Variants in SH2B1 observed in about 807,000 individuals in gnomAD.
SH2B1 encodes the protein SH2B adapter protein 1.
SH2B1 carries 15 observed loss-of-function variants against 62.6 expected under a neutral mutation model. The observed-to-expected ratio is 0.24, with a 90% CI of 0.16 to 0.37. The LOEUF (loss-of-function observed/expected upper bound fraction) is 0.37. SH2B1 is among the 10% of genes least tolerant of loss of function. The pLI is 1.00. For missense variants in SH2B1, 925 were observed against 1,015.6 expected, an observed-to-expected ratio of 0.91 and a Z score of 1.21; for synonymous variants, 443 against 438.0, an observed-to-expected ratio of 1.01 and a Z score of -0.14.
At chr16:28,847,295 G>A (rs1961997632) in intron 1 of SH2B1, among the ~76,000 whole-genome samples, 1 of 152,230 alleles carries the variant, frequency 6.6e-6, no homozygotes, top group South Asian at 2.1e-4. Flanking sequence ...GGTAGTCAAT[G>A]TCCCTTAACT....
chr16:28,867,286 C>T, intron 1 of SH2B1, 45 bp from the exon 2 acceptor site: 2 of 1,484,400 alleles, frequency 1.3e-6, no homozygotes, highest in African/African-American at 1.4e-5. Context: ...GAAGAGTGGT[C>T]TTTGGAAACC....
rs369377609 is a variant in SH2B1, at chr16:28,857,841, G to A, written c.-300-3777G>A. 1.6e-3 allele frequency among the ~76,000 whole-genome samples: 240 copies of A among 151,616 alleles called. 7 individuals are homozygous for A. In the South Asian group the frequency reaches 0.017, roughly 10 times the overall value. On this transcript the variant is annotated intron_variant, in intron 1 of 10. Coordinates refer to the SH2B1 transcript ENST00000322610. The stretch of plus-strand genomic sequence containing the variant: ...TGCAAGCTCCGCCTCCTGGGTTCAC[G>A]CCATTCTCCTGCCTCAGACTCCCGA...
At position 28,855,994 on chromosome 16, in the gene SH2B1, C is replaced by T. The variant is rs1360167313; in HGVS notation, c.-300-5624C>T. Among the ~76,000 whole-genome samples the T allele has an allele frequency of 4.7e-5, 7 of 149,474 alleles. No homozygotes were observed. The South Asian group carries it at 8.6e-4, about 18-fold the overall frequency. On this transcript the variant is annotated intron_variant, in intron 1 of 10. Transcript: ENST00000322610. ...CCTTTTTTACTCTTAAGAACAATGC[C>T]GGCCAGGCGTGGTGGCTCACACTTG... is the stretch of plus-strand genomic sequence containing the variant.
chr16:28,852,328 TTAC>T (rs1567458255), intron 1 of SH2B1, among the ~76,000 whole-genome samples: 17 of 73,022 alleles, frequency 2.3e-4, no homozygotes, highest in African/African-American at 7.0e-4. Flanking sequence ...ATATATATAT[TTAC>T]ATATATATTT....
At chr16:28,852,863 T>A (rs1962199559) in intron 1 of SH2B1, among the ~76,000 whole-genome samples, 1 of 91,448 alleles carries the variant, frequency 1.1e-5, no homozygotes, top group Non-Finnish European at 1.9e-5. Context: ...TTTATATATA[T>A]TTACATATAT....
chr16:28,847,743 C>T (rs1443823953), intron 1 of SH2B1, among the ~76,000 whole-genome samples: 1 of 151,226 alleles, frequency 6.6e-6, no homozygotes, highest in Non-Finnish European at 1.5e-5. Flanking sequence ...CGCCTGAGCT[C>T]AGGAGTTCAA....
chr16:28,869,408 C>G (rs753901400), intron 4 of SH2B1, 25 bp downstream of exon 4: 1 of 1,595,588 alleles, frequency 6.3e-7, no homozygotes, highest in Admixed American at 1.7e-5. Context: ...TTAGAGAGCT[C>G]GGAGCCTCGG....
rs541706502 is a variant in SH2B1 at position 28,873,092 on chromosome 16, T to A, written c.1898-355T>A. On this transcript the variant is annotated intron_variant, in intron 7 of 7. Coordinates refer to ENST00000684370, the MANE Select transcript of SH2B1 (RefSeq NM_001387430.1). This position sits in a 1 kb window ranked among gnomAD's most constrained non-coding sequence, Gnocchi z 4.2. ...CTGATCCCCTTCCCTCCTCCCTCAATGTCTCATGTCCCTGTCTGATCTCTC... is the reference window on the plus strand; with the variant it reads ...CTGATCCCCTTCCCTCCTCCCTCAAAGTCTCATGTCCCTGTCTGATCTCTC... 9 of 935,760 alleles carry A rather than the reference T, an allele frequency of 9.6e-6. No homozygotes were observed. In the Admixed American group the frequency reaches 2.2e-4, roughly 23 times the overall value. The allele number at this position is 935,760 out of a possible 1,614,324, so 58.0% of individuals were successfully genotyped here.
Position 28,864,760 on chromosome 16 carries a change from C to T in SH2B1, c.-1335C>T. On this transcript the variant is annotated 5_prime_UTR_variant, in exon 1 of 8. Transcript: ENST00000684370. ...CTCTGCCACTTTCTAGTTGTAAGAC[C>T]TTGAGAGGGCTCCTCCTTTCTCTAA... The T allele has an allele frequency of 1.7e-6, 1 of 580,738 alleles. No individual in the cohort carries two copies. The highest frequency in any genetic ancestry group is 2.2e-6 in the Non-Finnish European group (1 of 460,556). The allele number at this position is 580,738 out of a possible 1,614,324, so 36.0% of individuals were successfully genotyped here.
Position 28,865,880 on chromosome 16 carries a change from G to T in SH2B1, c.-215G>T. The T allele has an allele frequency of 2.2e-6, 3 of 1,346,102 alleles. No homozygotes were observed. The highest frequency in any genetic ancestry group is 2.8e-6 in the Non-Finnish European group (3 of 1,053,576). 83.4% of individuals were successfully genotyped at this position (1,346,102 alleles called of 1,614,324 possible). ...AGGATCTGGGAGAGGGAAGGGAGGTGTTGGGCTCCCTTCCCCATTGCTCTC... is the reference window on the plus strand; with the variant it reads ...AGGATCTGGGAGAGGGAAGGGAGGTTTTGGGCTCCCTTCCCCATTGCTCTC... On this transcript the variant is annotated 5_prime_UTR_variant, in exon 1 of 8. Transcript: ENST00000684370.
At chr16:28,862,714 C>G (rs1471642898), upstream of SH2B1, 1 of 142,132 alleles carries the variant, frequency 7.0e-6, no homozygotes, top group Non-Finnish European at 1.5e-5. Context: ...CTCCCGGGTT[C>G]AAGCTGTTCT....
intron 2 of SH2B1, 140 bp downstream of exon 2, chr16:28,867,572 T>G: frequency 1.5e-6 from 1 of 666,960 alleles, no homozygotes; most frequent in Non-Finnish European, 2.7e-6. Flanking sequence ...GGCTGCAGCT[T>G]TTCTGGGATA....
rs538858851 is a variant in SH2B1 at position 28,852,188 on chromosome 16, A to T, written c.-301+5361A>T. 1.2e-3 allele frequency among the ~76,000 whole-genome samples: 158 copies of T among 133,900 alleles called. 13 individuals carry two copies. The highest frequency in any genetic ancestry group is 4.0e-3 in the African/African-American group (135 of 33,700). The allele number at this position is 133,900 out of a possible 152,430, so 87.8% of individuals were successfully genotyped here. On this transcript the variant is annotated intron_variant, in intron 1 of 10. Transcript: ENST00000322610. ...AGACTCCGTATCCAAAAATATATAT[A>T]TTTTTATTTATATATTTACATATAT...
Position 28,853,093 on chromosome 16 carries a change from C to CATTT in SH2B1, c.-301+6268_-301+6269insTTAT, listed in dbSNP as rs1567459698. On this transcript the variant is annotated intron_variant, in intron 1 of 10. Transcript: ENST00000322610. The stretch of plus-strand genomic sequence containing the variant: ...ACATATATATTTATATATATTTATA[C>CATTT]ATATATATTTATATATACATTTATA... 7.0e-4 allele frequency among the ~76,000 whole-genome samples: 73 copies of CATTT among 104,500 alleles called. 2 individuals carry two copies. Among genetic ancestry groups the CATTT allele is most frequent in the African/African-American group, 2.8e-3 (70 of 24,786 alleles). The allele number at this position is 104,500 out of a possible 152,430, so 68.6% of individuals were successfully genotyped here.
At position 28,873,239 on chromosome 16, in the gene SH2B1, C is replaced by T. The variant is rs369858622; in HGVS notation, c.1898-208C>T. ...GGATGCCACCCCGATGCCTCCTGCA[C>T]CCTCATGCCCTTCGGAGCGAGTGAC... On this transcript the variant is annotated intron_variant, in intron 7 of 7. Transcript: ENST00000684370. The surrounding 1 kb of genome is among the most constrained non-coding windows in gnomAD (Gnocchi z 4.2). The T allele has an allele frequency of 1.4e-5, 22 of 1,607,064 alleles. No individual in the cohort carries two copies. The highest frequency in any genetic ancestry group is 1.9e-5 in the Non-Finnish European group (22 of 1,178,498).
At chr16:28,852,079 A>G (rs1962111101) in intron 1 of SH2B1, among the ~76,000 whole-genome samples, 1 of 149,652 alleles carries the variant, frequency 6.7e-6, no homozygotes, top group Admixed American at 6.8e-5. Flanking sequence ...AAAAAAGAAA[A>G]AAGAAATTTA....
intron 1 of SH2B1, among the ~76,000 whole-genome samples, chr16:28,854,818 C>A (rs1055621229): frequency 6.6e-6 from 1 of 152,128 alleles, no homozygotes; most frequent in African/African-American, 2.4e-5. Context: ...CATAATCTGG[C>A]CAGCTCTTTG....
chr16:28,871,161 G>A (rs1009816754), intron 4 of SH2B1, among the ~76,000 whole-genome samples: 7 of 152,074 alleles, frequency 4.6e-5, no homozygotes, highest in Non-Finnish European at 8.8e-5. Flanking sequence ...AGGATTACAG[G>A]TGTGCACCAC....
Position 28,873,379 on chromosome 16 carries a change from A to C in SH2B1, c.1898-68A>C. ...AGCCACGCTCCTGGGGGGCTGAGTGAAGGGGAGGCCACGGCAGGAGCTCAC... is the reference window on the plus strand; with the variant it reads ...AGCCACGCTCCTGGGGGGCTGAGTGCAGGGGAGGCCACGGCAGGAGCTCAC... On this transcript the variant is annotated intron_variant, in intron 7 of 7. Coordinates refer to ENST00000684370, the MANE Select transcript of SH2B1 (RefSeq NM_001387430.1). This position sits in a 1 kb window ranked among gnomAD's most constrained non-coding sequence, Gnocchi z 4.2. 1 of 1,583,016 alleles carries C rather than the reference A, an allele frequency of 6.3e-7. No individual in the cohort carries two copies.
Sources: gnomAD v4.1 joint callset for allele counts (sites outside exome capture counted in the v4.1 genomes callset) on GRCh38, gnomAD v4.1.1 for gene constraint, Gnocchi (gnomAD v3.1) non-coding constraint, MANE v1.5 for transcripts, NCBI Gene and HGNC (gene_info 2026-07-23, HGNC 2026-07-21) for gene names.